GRIK4: variants seen among roughly 807,000 people sequenced by gnomAD.
GRIK4 encodes the protein glutamate receptor ionotropic, kainate 4.
Under a neutral mutation model 104.9 loss-of-function variants are expected in GRIK4, and 40 were observed. The ratio of observed to expected loss-of-function variants is 0.38; its 90% confidence interval spans 0.30 to 0.50. The LOEUF (loss-of-function observed/expected upper bound fraction) is 0.50, where lower values mean the gene tolerates loss of function less well. Ranked by LOEUF, GRIK4 falls within the 20% of genes least tolerant of loss-of-function variation. GRIK4 has a pLI of 0.93. For missense variants in GRIK4, 1,047 were observed against 1,308.1 expected (o/e 0.80, Z 3.08); for synonymous variants, 485 against 524.9 (o/e 0.92, Z 1.04).
At chr11:120,512,850 G>A (rs559837251) in intron 1 of GRIK4, among the ~76,000 whole-genome samples, 1 of 152,240 alleles carries the variant, frequency 6.6e-6, no homozygotes, top group South Asian at 2.1e-4. Context: ...GGGAGAGTTG[G>A]CTGAGGGCCT....
intron 13 of GRIK4, among the ~76,000 whole-genome samples, chr11:120,937,579 C>T (rs1044229896): frequency 3.9e-5 from 6 of 152,172 alleles, no homozygotes; most frequent in Non-Finnish European, 8.8e-5. Flanking sequence ...TCCTCTTGAC[C>T]GGGGACAAAG....
chr11:120,609,655 C>T (rs1949008805), intron 1 of GRIK4, among the ~76,000 whole-genome samples: 1 of 150,888 alleles, frequency 6.6e-6, no homozygotes, highest in Admixed American at 6.6e-5. Flanking sequence ...GCTGGGACTA[C>T]AGGTGCGTGC....
At chr11:120,899,312 T>C (rs1942669050) in intron 12 of GRIK4, among the ~76,000 whole-genome samples, 1 of 150,836 alleles carries the variant, frequency 6.6e-6, no homozygotes, top group African/African-American at 2.5e-5. Context: ...TTCCAGCTAC[T>C]TGGGAGGCTG....
At chr11:120,557,958 C>T (rs1287822049) in intron 1 of GRIK4, among the ~76,000 whole-genome samples, 2 of 139,224 alleles carry the variant, frequency 1.4e-5, no homozygotes, top group African/African-American at 2.8e-5. Flanking sequence ...GCGGAGCTTG[C>T]AGTGAGCCGA....
At chr11:120,814,785 G>A (rs763821544) in intron 4 of GRIK4, among the ~76,000 whole-genome samples, 1 of 152,180 alleles carries the variant, frequency 6.6e-6, no homozygotes, top group Non-Finnish European at 1.5e-5. Flanking sequence ...CGAAGTGAAC[G>A]ACGGGGGCAT....
At chr11:120,553,784 G>T (rs1948162018) in intron 1 of GRIK4, among the ~76,000 whole-genome samples, 1 of 152,164 alleles carries the variant, frequency 6.6e-6, no homozygotes, top group Admixed American at 6.5e-5. Flanking sequence ...AAGCCCAGGA[G>T]CTGTAAATTG....
chr11:120,516,923 T>C (rs1403528220), intron 1 of GRIK4, among the ~76,000 whole-genome samples: 1 of 151,930 alleles, frequency 6.6e-6, no homozygotes, highest in East Asian at 2.0e-4. Context: ...CGGCGGCTGC[T>C]GCGTTCCTGG....
chr11:120,582,296 A>G (rs895083796), intron 1 of GRIK4, among the ~76,000 whole-genome samples: 3 of 150,928 alleles, frequency 2.0e-5, no homozygotes, highest in Non-Finnish European at 4.4e-5. Flanking sequence ...ATACGTATGT[A>G]TATATGTGTA....
chr11:120,893,754 C>G (rs1192433842), intron 11 of GRIK4, among the ~76,000 whole-genome samples: 1 of 152,218 alleles, frequency 6.6e-6, no homozygotes, highest in Non-Finnish European at 1.5e-5. Flanking sequence ...TGTGTTTACA[C>G]CACAGAAATT....
In GRIK4 at chr11:120,796,571, C is replaced by T. The variant is rs1307702961; in HGVS notation, c.83-6122C>T. On this transcript the variant is annotated intron_variant, in intron 3 of 20. Transcript: ENST00000527524. ...GTCAGAGAGGGCTTCCTGGAAGAGG[C>T]GCCTGAGGGAGAGAAGAGCCCTGGT... 4.6e-5 allele frequency among the ~76,000 whole-genome samples: 7 copies of T among 151,806 alleles called. No homozygotes were observed. The East Asian group carries it at 1.2e-3, about 25-fold the overall frequency.
chr11:120,897,284 C>A (rs982329568), intron 11 of GRIK4, among the ~76,000 whole-genome samples: 1 of 151,700 alleles, frequency 6.6e-6, no homozygotes, highest in Admixed American at 6.6e-5. Flanking sequence ...ACCTGGAGTT[C>A]TTTGAGACAA....
intron 1 of GRIK4, among the ~76,000 whole-genome samples, chr11:120,577,778 C>T (rs1033448657): frequency 4.6e-5 from 7 of 152,148 alleles, no homozygotes; most frequent in Non-Finnish European, 1.5e-5. Context: ...CTGGACAGAG[C>T]CCTTCCCTGC....
At chr11:120,649,942 T>A (rs1949596375) in intron 1 of GRIK4, among the ~76,000 whole-genome samples, 1 of 152,226 alleles carries the variant, frequency 6.6e-6, no homozygotes, top group African/African-American at 2.4e-5. Context: ...TGAGCTGTTT[T>A]GTTTCAAAGC....
At chr11:120,751,697 G>A (rs1019848076) in intron 3 of GRIK4, among the ~76,000 whole-genome samples, 1 of 152,208 alleles carries the variant, frequency 6.6e-6, no homozygotes, top group Non-Finnish European at 1.5e-5. Context: ...CGATTCTGCA[G>A]GTTTCTCTAG....
chr11:120,865,936 G>C (rs1954396017), intron 9 of GRIK4, among the ~76,000 whole-genome samples: 1 of 152,064 alleles, frequency 6.6e-6, no homozygotes, highest in Admixed American at 6.5e-5. Context: ...AGGGGAGGGG[G>C]CGTATGCAGC....
intron 3 of GRIK4, among the ~76,000 whole-genome samples, chr11:120,681,259 G>A (rs1199543440): frequency 2.0e-5 from 3 of 152,152 alleles, no homozygotes; most frequent in Non-Finnish European, 4.4e-5. Flanking sequence ...GGAAAGCTCA[G>A]GGTGCAGGAG....
chr11:120,961,431 T>C (rs1944285561), intron 17 of GRIK4, among the ~76,000 whole-genome samples: 1 of 152,240 alleles, frequency 6.6e-6, no homozygotes, highest in African/African-American at 2.4e-5. Context: ...TTTATATTAC[T>C]GCATAGAATG....
chr11:120,625,301 A>C (rs1949244129), intron 1 of GRIK4, among the ~76,000 whole-genome samples: 1 of 152,136 alleles, frequency 6.6e-6, no homozygotes, highest in Non-Finnish European at 1.5e-5. Context: ...GCAGTAAGGA[A>C]AGAGGGAAAG....
At chr11:120,570,264 A>G (rs1948380600) in intron 1 of GRIK4, among the ~76,000 whole-genome samples, 1 of 152,236 alleles carries the variant, frequency 6.6e-6, no homozygotes, top group African/African-American at 2.4e-5. Flanking sequence ...GTCAAATCAT[A>G]TTTTAAAAGG....
Sources: allele counts gnomAD v4.1 joint callset (sites outside exome capture counted in the v4.1 genomes callset), GRCh38; gene constraint gnomAD v4.1.1; transcripts MANE v1.5; gene names NCBI Gene and HGNC (gene_info 2026-07-23, HGNC 2026-07-21).